The following ATP2C2 variants were observed in gnomAD, a reference collection of about 807,000 sequenced individuals.
The protein encoded by ATP2C2 is calcium-transporting ATPase type 2C member 2.
A neutral mutation model predicts 110.8 loss-of-function variants in ATP2C2; 171 were observed. The observed-to-expected ratio is 1.54, with a 90% CI of 1.36 to 1.75. The LOEUF is 1.75. ATP2C2 is among the 40% of genes most tolerant of loss of function. The pLI is 0.00. For missense variants in ATP2C2, 1,963 were observed against 1,235.0 expected (o/e 1.59, Z -8.84); for synonymous variants, 804 against 508.4 (o/e 1.58, Z -7.82).
In ATP2C2 at chr16:84,453,306, C is replaced by G. The variant is rs200741728; in HGVS notation, c.1930-15C>G. 7 of 1,614,140 alleles carry G rather than the reference C, an allele frequency of 4.3e-6. 1 individual carries two copies. The East Asian group carries it at 1.1e-4, about 26-fold the overall frequency. On this transcript the variant is annotated splice_polypyrimidine_tract_variant and intron_variant, in intron 19 of 26. Coordinates refer to ENST00000262429, the MANE Select transcript of ATP2C2 (RefSeq NM_014861.4). ...TTGAAATCTGATTCTTCGTCTTCCC[C>G]GTCTCCGTGTCCAGGTGTCCGTGTT...
chr16:84,458,841 G>A (rs985996208), intron 21 of ATP2C2, among the ~76,000 whole-genome samples: 17 of 152,148 alleles, frequency 1.1e-4, no homozygotes, highest in East Asian at 1.9e-4. Context: ...GGGCTCGGCC[G>A]GAGAGTAATT....
chr16:84,381,015 C>A (rs930221268), intron 1 of ATP2C2, among the ~76,000 whole-genome samples: 1 of 152,130 alleles, frequency 6.6e-6, no homozygotes, highest in African/African-American at 2.4e-5. Flanking sequence ...TCATGCGCGT[C>A]CGTGTGAAGA....
rs1396198949 is a variant in ATP2C2, at chr16:84,454,955, C to T, written c.2118C>T (p.Ile706=). 1.9e-6 allele frequency: 3 copies of T among 1,613,594 alleles called. No homozygotes were observed. The highest frequency in any genetic ancestry group is 2.7e-5 in the African/African-American group (2 of 74,878). The part of the protein sequence containing the change: ...TDVSKEAANM[I]LVDDDFSAIM... Reference sequence around the variant, plus strand: ...TCAGCAAAGAGGCCGCCAACATGATCCTGGTGGATGATGACTTCTCAGCCA... The same window carrying T: ...TCAGCAAAGAGGCCGCCAACATGATTCTGGTGGATGATGACTTCTCAGCCA... The change falls in exon 21 of 27, where the codon ATC becomes ATT. Residue 706 remains isoleucine, a synonymous_variant. Coordinates refer to ENST00000262429, the MANE Select transcript of ATP2C2 (RefSeq NM_014861.4).
At chr16:84,426,269 A>T (rs531535710) in intron 11 of ATP2C2, among the ~76,000 whole-genome samples, 1 of 152,132 alleles carries the variant, frequency 6.6e-6, no homozygotes, top group East Asian at 1.9e-4. Flanking sequence ...ACATGCTTTG[A>T]AACAATTAGA....
At chr16:84,462,628 G>C (rs1235655194) in intron 26 of ATP2C2, 1 of 154,176 alleles carries the variant, frequency 6.5e-6, no homozygotes, top group Non-Finnish European at 1.4e-5. Context: ...TGGAGCCCAG[G>C]GGACTCCCCG....
At chr16:84,438,804 A>C (rs904919867) in intron 11 of ATP2C2, among the ~76,000 whole-genome samples, 24 of 152,230 alleles carry the variant, frequency 1.6e-4, no homozygotes, top group Admixed American at 8.5e-4. Context: ...AATCCCACTT[A>C]CTGTCTGATT....
intron 2 of ATP2C2, among the ~76,000 whole-genome samples, chr16:84,400,922 T>G (rs1379650548): frequency 1.3e-5 from 2 of 152,212 alleles, no homozygotes; most frequent in Non-Finnish European, 2.9e-5. Flanking sequence ...ATTATTAGGT[T>G]TTCTCCTATA....
chr16:84,417,380 G>C (rs1475064398), intron 7 of ATP2C2, among the ~76,000 whole-genome samples: 1 of 152,136 alleles, frequency 6.6e-6, no homozygotes, highest in Non-Finnish European at 1.5e-5. Context: ...GGCTGATGTT[G>C]GTTTCCATTT....
Position 84,463,889 on chromosome 16 carries a change from C to T in ATP2C2, c.*157C>T. 1 of 669,288 alleles carries T rather than the reference C, an allele frequency of 1.5e-6. No individual in the cohort carries two copies. Among genetic ancestry groups the T allele is most frequent in the Non-Finnish European group, 2.6e-6 (1 of 387,852 alleles). 41.5% of individuals were successfully genotyped at this position (669,288 alleles called of 1,614,324 possible). On this transcript the variant is annotated 3_prime_UTR_variant, in exon 27 of 27. Transcript: ENST00000262429. Reference sequence around the variant, plus strand: ...AGGAAAGCTGCAGGAACCTCGTGGGCTCCAGGGACCCAGGCCCACATCCAT... The same window carrying T: ...AGGAAAGCTGCAGGAACCTCGTGGGTTCCAGGGACCCAGGCCCACATCCAT...
At position 84,421,713 on chromosome 16, in the gene ATP2C2, C is replaced by A. The variant is rs115627699; in HGVS notation, c.625-677C>A. Among the ~76,000 whole-genome samples the A allele has an allele frequency of 5.7e-3, 871 of 152,288 alleles. 9 individuals carry two copies. The highest frequency in any genetic ancestry group is 0.02 in the African/African-American group (819 of 41,544). On this transcript the variant is annotated intron_variant, in intron 7 of 26. Coordinates refer to ENST00000262429, the MANE Select transcript of ATP2C2 (RefSeq NM_014861.4). ...CTGGAACCAGAGCTTCGGTTCAAAT[C>A]TCTGTTTTGCCACTAACTAGCTACG...
intron 1 of ATP2C2, among the ~76,000 whole-genome samples, chr16:84,375,823 C>G (rs2151395142): frequency 6.6e-6 from 1 of 152,216 alleles, no homozygotes; most frequent in African/African-American, 2.4e-5. Flanking sequence ...TTCCAAATTT[C>G]CAGCCACAAA....
chr16:84,431,555 T>C (rs1406524875), intron 11 of ATP2C2, among the ~76,000 whole-genome samples: 3 of 150,864 alleles, frequency 2.0e-5, no homozygotes, highest in African/African-American at 7.3e-5. Context: ...GGGAGGGTTA[T>C]GGGTAGAGAG....
At chr16:84,433,179 A>T (rs899338389) in intron 11 of ATP2C2, among the ~76,000 whole-genome samples, 20 of 152,158 alleles carry the variant, frequency 1.3e-4, no homozygotes, top group African/African-American at 4.8e-4. Flanking sequence ...CAGGAGTTTG[A>T]GACCAGCCTA....
In ATP2C2 at chr16:84,418,164, C is replaced by A. The variant is rs61546021; in HGVS notation, c.624+2573C>A. Among the ~76,000 whole-genome samples the A allele has an allele frequency of 5.4e-3, 819 of 152,276 alleles. 9 individuals carry two copies. The highest frequency in any genetic ancestry group is 0.019 in the African/African-American group (782 of 41,542). Reference sequence around the variant, plus strand: ...TCGGAGGTGATGGGACTCCAAGTGACGCTTCGTCTTGGAGGTGGGGGCACC... The same window carrying A: ...TCGGAGGTGATGGGACTCCAAGTGAAGCTTCGTCTTGGAGGTGGGGGCACC... On this transcript the variant is annotated intron_variant, in intron 7 of 26. Transcript: ENST00000262429.
intron 16 of ATP2C2, 152 bp from the exon 17 acceptor site, chr16:84,448,381 C>A: frequency 2.1e-6 from 2 of 969,152 alleles, no homozygotes; most frequent in Non-Finnish European, 2.9e-6. Flanking sequence ...GCGAACCTGT[C>A]CAGCACCTGT....
At position 84,408,507 on chromosome 16, in the gene ATP2C2, A is replaced by G. The variant is rs758576415; in HGVS notation, c.417+13A>G. 2.5e-6 allele frequency: 4 copies of G among 1,609,604 alleles called. No individual in the cohort carries two copies. The East Asian group carries it at 8.9e-5, about 36-fold the overall frequency. On this transcript the variant is annotated intron_variant, in intron 4 of 26. Coordinates refer to ENST00000262429, the MANE Select transcript of ATP2C2 (RefSeq NM_014861.4). ...CAGCATCGCCACGGTGAGTTCCCTGACAGCGCTCGGCTCCCGGGCGGGCAG... is the reference window on the plus strand; with the variant it reads ...CAGCATCGCCACGGTGAGTTCCCTGGCAGCGCTCGGCTCCCGGGCGGGCAG...
At chr16:84,422,104 G>A (rs1907391062) in intron 7 of ATP2C2, among the ~76,000 whole-genome samples, 1 of 152,124 alleles carries the variant, frequency 6.6e-6, no homozygotes, top group Non-Finnish European at 1.5e-5. Flanking sequence ...TGTTTTGAAA[G>A]GTATATCCTA....
Position 84,453,132 on chromosome 16 carries a change from C to G in ATP2C2, c.1832-6C>G. The G allele has an allele frequency of 6.2e-7, 1 of 1,605,002 alleles. No individual in the cohort carries two copies. The highest frequency in any genetic ancestry group is 8.5e-7 in the Non-Finnish European group (1 of 1,175,504). ...GAGCAGGCCCTCAGAACAGGTTCTT[C>G]TGAAGGAAGAAACATCGGCCTGTGC... On this transcript the variant is annotated splice_region_variant and splice_polypyrimidine_tract_variant and intron_variant, in intron 18 of 26. Coordinates refer to ENST00000262429, the MANE Select transcript of ATP2C2 (RefSeq NM_014861.4).
At chr16:84,395,416 A>T (rs1308806896) in intron 1 of ATP2C2, among the ~76,000 whole-genome samples, 1 of 151,784 alleles carries the variant, frequency 6.6e-6, no homozygotes, top group African/African-American at 2.4e-5. Flanking sequence ...GGTTGGGGGC[A>T]CATGCTAGTC....
Sources: gnomAD v4.1 joint callset for allele counts (sites outside exome capture counted in the v4.1 genomes callset) on GRCh38, gnomAD v4.1.1 for gene constraint, MANE v1.5 for transcripts, NCBI Gene and HGNC (gene_info 2026-07-23, HGNC 2026-07-21) for gene names.